Variants in FCHSD2 observed in about 807,000 individuals in gnomAD.
The protein encoded by FCHSD2 is F-BAR and double SH3 domains protein 2.
FCHSD2 carries 38 observed loss-of-function variants against 108.1 expected under a neutral mutation model. The observed-to-expected ratio is 0.35, with a 90% CI of 0.27 to 0.46. The LOEUF (loss-of-function observed/expected upper bound fraction) is 0.46. Among genes scored for constraint, FCHSD2 ranks in the 20% least tolerant of loss-of-function variants. The pLI is 1.00. For missense variants in FCHSD2, 751 were observed against 897.8 expected, an observed-to-expected ratio of 0.84 and a Z score of 2.09; for synonymous variants, 279 against 314.7, an observed-to-expected ratio of 0.89 and a Z score of 1.20.
At chr11:73,004,616 A>G (rs549127097) in intron 4 of FCHSD2, among the ~76,000 whole-genome samples, 2 of 152,122 alleles carry the variant, frequency 1.3e-5, no homozygotes, top group African/African-American at 4.8e-5. Flanking sequence ...TGCCCTTTTT[A>G]CCCTTGCCTC....
intron 3 of FCHSD2, among the ~76,000 whole-genome samples, chr11:73,073,386 C>A (rs1177077086): frequency 1.3e-5 from 2 of 152,194 alleles, no homozygotes; most frequent in Admixed American, 1.3e-4. Context: ...AACTACCAAG[C>A]AACTTGAAAA....
intron 3 of FCHSD2, among the ~76,000 whole-genome samples, chr11:73,023,365 A>T (rs1457636516): frequency 2.0e-5 from 3 of 152,226 alleles, no homozygotes; most frequent in East Asian, 1.9e-4. Context: ...ACACATTTTT[A>T]AAATGGGCAA....
chr11:72,860,262 C>G (rs1227927188), intron 13 of FCHSD2, among the ~76,000 whole-genome samples: 1 of 152,140 alleles, frequency 6.6e-6, no homozygotes, highest in Non-Finnish European at 1.5e-5. Context: ...AAGACTAGAA[C>G]AATACTATAA....
chr11:73,108,070 C>T (rs747974370), intron 2 of FCHSD2, among the ~76,000 whole-genome samples: 12 of 152,074 alleles, frequency 7.9e-5, no homozygotes, highest in Non-Finnish European at 1.3e-4. Flanking sequence ...ACATCCTTGC[C>T]GGTGTTTGTT....
intron 13 of FCHSD2, among the ~76,000 whole-genome samples, chr11:72,864,889 C>T (rs554382791): frequency 6.6e-6 from 1 of 152,256 alleles, no homozygotes; most frequent in East Asian, 1.9e-4. Flanking sequence ...CATGCAGGCT[C>T]CAGACACCTG....
chr11:72,852,709 G>C (rs1861323484), intron 13 of FCHSD2, among the ~76,000 whole-genome samples: 1 of 151,172 alleles, frequency 6.6e-6, no homozygotes, highest in African/African-American at 2.4e-5. Flanking sequence ...ATTCATTGCA[G>C]CACTATTTAT....
Position 72,995,229 on chromosome 11 carries a change from G to A in FCHSD2, c.387+5761C>T, listed in dbSNP as rs138638149. Among the ~76,000 whole-genome samples, 7 of 152,162 alleles carry A rather than the reference G, an allele frequency of 4.6e-5. No homozygotes were observed. In the East Asian group the frequency reaches 5.8e-4, roughly 13 times the overall value. On this transcript the variant is annotated intron_variant, in intron 5 of 19. Transcript: ENST00000409418. ...AAAGTAAGCTTTTATCTTGCAGAAC[G>A]AAAAGCTGTTTTCCCCCTAAATTGT...
At chr11:72,910,574 T>TG (rs1257990386) in intron 9 of FCHSD2, among the ~76,000 whole-genome samples, 2 of 152,182 alleles carry the variant, frequency 1.3e-5, no homozygotes, top group Non-Finnish European at 2.9e-5. Context: ...CAGGGTTAAA[T>TG]GGATTAAGGG....
rs972259220 is a variant in FCHSD2 at position 73,033,706 on chromosome 11, T to C, written c.166-17821A>G. ...TTATATAATTTATGGTTATTGGCAA[T>C]AGTAAAAAGACCAGGACTTTGAAGT... On this transcript the variant is annotated intron_variant, in intron 3 of 19. Transcript: ENST00000409418. Among the ~76,000 whole-genome samples, 7 of 152,324 alleles carry C rather than the reference T, an allele frequency of 4.6e-5. No homozygotes were observed. In the South Asian group the frequency reaches 1.0e-3, roughly 23 times the overall value.
At chr11:72,907,599 GTTTT>G (rs35079551) in intron 9 of FCHSD2, among the ~76,000 whole-genome samples, 3 of 114,656 alleles carry the variant, frequency 2.6e-5, no homozygotes, top group Admixed American at 2.2e-4. Context: ...AATCACGTGG[GTTTT>G]TTTTTTTTTT....
chr11:73,050,157 C>A (rs1273673006), intron 3 of FCHSD2, among the ~76,000 whole-genome samples: 1 of 152,100 alleles, frequency 6.6e-6, no homozygotes, highest in Non-Finnish European at 1.5e-5. Context: ...GAGAAAGCAG[C>A]CATAGACAAT....
At chr11:73,051,408 A>G (rs1485348629) in intron 3 of FCHSD2, among the ~76,000 whole-genome samples, 1 of 152,182 alleles carries the variant, frequency 6.6e-6, no homozygotes, top group East Asian at 1.9e-4. Context: ...ATCAGCCTAT[A>G]ATTTATAATT....
At chr11:73,078,826 C>T (rs780746040) in intron 3 of FCHSD2, among the ~76,000 whole-genome samples, 6 of 152,252 alleles carry the variant, frequency 3.9e-5, no homozygotes, top group Middle Eastern at 3.4e-3. Context: ...TCACGTGATT[C>T]TCCTGCTTCA....
At chr11:72,986,309 A>G (rs377728144) in intron 6 of FCHSD2, among the ~76,000 whole-genome samples, 8 of 152,246 alleles carry the variant, frequency 5.3e-5, no homozygotes, top group African/African-American at 1.9e-4. Flanking sequence ...TCCTGGGTTC[A>G]TGCCATTCTC....
chr11:73,087,855 T>A (rs796394299), intron 2 of FCHSD2, among the ~76,000 whole-genome samples: 2 of 152,356 alleles, frequency 1.3e-5, no homozygotes, highest in African/African-American at 4.8e-5. Flanking sequence ...TCCAGTCTCC[T>A]AAGCTCCATT....
Position 72,921,811 on chromosome 11 carries a change from C to T in FCHSD2, c.828+17G>A. ...CTAAGTTGGATAACACTACACGTTG[C>T]ACTAAAGGTAACTTACCTTGCTGGA... On this transcript the variant is annotated intron_variant, in intron 9 of 19. Coordinates refer to ENST00000409418, the MANE Select transcript of FCHSD2 (RefSeq NM_014824.3). 6.2e-7 allele frequency: 1 copy of T among 1,604,690 alleles called. No individual in the cohort carries two copies. Among genetic ancestry groups the T allele is most frequent in the Non-Finnish European group, 8.5e-7 (1 of 1,172,970 alleles).
chr11:72,942,252 T>C (rs533215358), intron 8 of FCHSD2, among the ~76,000 whole-genome samples: 1 of 152,356 alleles, frequency 6.6e-6, no homozygotes, highest in South Asian at 2.1e-4. Flanking sequence ...TCTCACCATA[T>C]GACATGCAGG....
At chr11:73,007,014 C>T (rs1857755328) in intron 4 of FCHSD2, among the ~76,000 whole-genome samples, 1 of 152,084 alleles carries the variant, frequency 6.6e-6, no homozygotes. Context: ...TAGTTTATAC[C>T]AAGACTTATG....
At chr11:72,854,670 C>A (rs1164004406) in intron 13 of FCHSD2, among the ~76,000 whole-genome samples, 1 of 152,122 alleles carries the variant, frequency 6.6e-6, no homozygotes, top group Non-Finnish European at 1.5e-5. Context: ...GGCCATTATG[C>A]TAAGTGGAAT....
Sources: allele counts gnomAD v4.1 joint callset (sites outside exome capture counted in the v4.1 genomes callset), GRCh38; gene constraint gnomAD v4.1.1; transcripts MANE v1.5; gene names NCBI Gene and HGNC (gene_info 2026-07-23, HGNC 2026-07-21).